GPATCH2: variants seen among roughly 807,000 people sequenced by gnomAD.
GPATCH2 encodes G patch domain-containing protein 2.
A neutral mutation model predicts 58.0 loss-of-function variants in GPATCH2; 51 were observed. The ratio of observed to expected loss-of-function variants is 0.88; its 90% confidence interval spans 0.70 to 1.11. The LOEUF is 1.11. Ranked by LOEUF, GPATCH2 falls within the 50% of genes most tolerant of loss-of-function variation. GPATCH2 has a pLI of 0.00. For missense variants in GPATCH2, 625 were observed against 652.2 expected (o/e 0.96, Z 0.45); for synonymous variants, 222 against 218.5 (o/e 1.02, Z -0.14).
At chr1:217,542,673 A>T (rs117752770) in intron 5 of GPATCH2, among the ~76,000 whole-genome samples, 1 of 152,176 alleles carries the variant, frequency 6.6e-6, no homozygotes, top group African/African-American at 2.4e-5. Context: ...GCCAATAAAC[A>T]TCTATTTCCT....
intron 9 of GPATCH2, 104 bp downstream of exon 9, chr1:217,449,145 G>A (rs1659538192): frequency 7.0e-6 from 5 of 719,196 alleles, no homozygotes; most frequent in Non-Finnish European, 1.3e-5. Flanking sequence ...TCTTGCAACT[G>A]TGCTTCTTCT....
intron 6 of GPATCH2, chr1:217,498,682 T>A (rs1662130496): frequency 1.9e-6 from 1 of 516,024 alleles, no homozygotes; most frequent in South Asian, 2.3e-5. Flanking sequence ...ATTTTATGAA[T>A]CAATTCTGGT....
chr1:217,563,524 T>A (rs1666034127), intron 5 of GPATCH2, among the ~76,000 whole-genome samples: 1 of 152,110 alleles, frequency 6.6e-6, no homozygotes, highest in African/African-American at 2.4e-5. Flanking sequence ...TAAGTAAGAA[T>A]TTGATTGACA....
chr1:217,480,598 T>C (rs747833178), intron 8 of GPATCH2, among the ~76,000 whole-genome samples: 2 of 152,194 alleles, frequency 1.3e-5, no homozygotes, highest in Non-Finnish European at 2.9e-5. Flanking sequence ...CTCAAAAAAC[T>C]AAAAATAGAG....
At chr1:217,516,694 C>T (rs562377337) in intron 5 of GPATCH2, among the ~76,000 whole-genome samples, 38 of 152,286 alleles carry the variant, frequency 2.5e-4, no homozygotes, top group African/African-American at 9.1e-4. Context: ...GTACAGGCAA[C>T]TTATTTCCTT....
intron 5 of GPATCH2, among the ~76,000 whole-genome samples, chr1:217,546,335 A>T (rs1665047654): frequency 6.6e-6 from 1 of 152,152 alleles, no homozygotes; most frequent in Admixed American, 6.6e-5. Context: ...AAAGCTGGAG[A>T]CATCACACTA....
At chr1:217,476,062 G>A (rs368955934) in intron 8 of GPATCH2, among the ~76,000 whole-genome samples, 13 of 151,796 alleles carry the variant, frequency 8.6e-5, no homozygotes, top group African/African-American at 1.2e-4. Flanking sequence ...GTCAAGAGGC[G>A]TCTGATGAGT....
At chr1:217,584,077 G>A (rs906229735) in intron 5 of GPATCH2, among the ~76,000 whole-genome samples, 1 of 151,838 alleles carries the variant, frequency 6.6e-6, no homozygotes, top group Non-Finnish European at 1.5e-5. Flanking sequence ...AGGTGAGAAA[G>A]AATCTGGTAA....
chr1:217,471,146 C>A (rs1197151706), intron 8 of GPATCH2, among the ~76,000 whole-genome samples: 2 of 151,778 alleles, frequency 1.3e-5, no homozygotes. Context: ...ATAGAATTTG[C>A]TTTGAAATAT....
At chr1:217,449,140 C>A in intron 9 of GPATCH2, 109 bp downstream of exon 9, 2 of 700,720 alleles carry the variant, frequency 2.9e-6, no homozygotes, top group South Asian at 1.7e-5. Flanking sequence ...TAGTTTCTTG[C>A]AACTGTGCTT....
At chr1:217,590,451 T>C (rs1348883413) in intron 5 of GPATCH2, among the ~76,000 whole-genome samples, 3 of 152,220 alleles carry the variant, frequency 2.0e-5, no homozygotes, top group Non-Finnish European at 4.4e-5. Context: ...CCCACCTATC[T>C]CTACCACCTT....
chr1:217,486,401 CTTT>C (rs1022584601), intron 8 of GPATCH2, among the ~76,000 whole-genome samples: 4 of 151,846 alleles, frequency 2.6e-5, no homozygotes, highest in African/African-American at 7.3e-5. Context: ...TGTCTTTTTT[CTTT>C]TTGTTTTGTT....
intron 5 of GPATCH2, among the ~76,000 whole-genome samples, chr1:217,527,982 A>G (rs966384586): frequency 6.6e-6 from 1 of 152,232 alleles, no homozygotes; most frequent in African/African-American, 2.4e-5. Context: ...ATTAAAGCCC[A>G]AATTAGCAAA....
chr1:217,538,166 G>A (rs1307966844), intron 5 of GPATCH2, among the ~76,000 whole-genome samples: 1 of 152,140 alleles, frequency 6.6e-6, no homozygotes, highest in African/African-American at 2.4e-5. Flanking sequence ...ATATTCAAGA[G>A]ATCCAAAAGG....
intron 5 of GPATCH2, among the ~76,000 whole-genome samples, chr1:217,551,239 G>A (rs777935315): frequency 4.6e-5 from 7 of 151,926 alleles, no homozygotes; most frequent in Non-Finnish European, 5.9e-5. Flanking sequence ...GGCCTGCACC[G>A]GCATTCTATT....
chr1:217,623,329 C>G (rs900610968), intron 1 of GPATCH2, among the ~76,000 whole-genome samples: 1 of 152,086 alleles, frequency 6.6e-6, no homozygotes, highest in African/African-American at 2.4e-5. Context: ...TACTGCAGCA[C>G]AGAACATTTA....
intron 5 of GPATCH2, among the ~76,000 whole-genome samples, chr1:217,518,334 A>G (rs1663278709): frequency 6.6e-6 from 1 of 152,196 alleles, no homozygotes; most frequent in Admixed American, 6.5e-5. Context: ...ATATGTACCA[A>G]TATATTGGAA....
intron 5 of GPATCH2, among the ~76,000 whole-genome samples, chr1:217,575,740 GA>G (rs1192692475): frequency 6.6e-6 from 1 of 152,032 alleles, no homozygotes; most frequent in African/African-American, 2.4e-5. Context: ...CAATTTAATA[GA>G]AAAATATTAG....
chr1:217,562,267 T>A (rs895246306), intron 5 of GPATCH2, among the ~76,000 whole-genome samples: 5 of 152,192 alleles, frequency 3.3e-5, no homozygotes, highest in African/African-American at 1.2e-4. Context: ...CTAGGAATAA[T>A]GTTACATGGA....
Sources: allele counts gnomAD v4.1 joint callset (sites outside exome capture counted in the v4.1 genomes callset), GRCh38; gene constraint gnomAD v4.1.1; transcripts MANE v1.5; gene names NCBI Gene and HGNC (gene_info 2026-07-23, HGNC 2026-07-21).